The following CD207 variants were observed in gnomAD, a reference collection of about 807,000 sequenced individuals.
CD207 encodes CD207 molecule, also known as C-type lectin domain family 4 member K.
Under a neutral mutation model 31.6 loss-of-function variants are expected in CD207, and 28 were observed. The observed-to-expected ratio is 0.89, with a 90% CI of 0.66 to 1.21. CD207 has a LOEUF of 1.21. CD207 is among the 50% of genes most tolerant of loss of function. The pLI is 0.00. For missense variants in CD207, 388 were observed against 397.8 expected (o/e 0.98, Z 0.21); for synonymous variants, 168 against 153.9 (o/e 1.09, Z -0.68).
chr2:70,831,648 C>T (rs1180206932), intron 5 of CD207, 53 bp downstream of exon 5: 3 of 1,093,492 alleles, frequency 2.7e-6, no homozygotes, highest in Non-Finnish European at 4.3e-6. Flanking sequence ...CCCTTCATGC[C>T]CTGGCCATGG....
In CD207 at chr2:70,833,696, CG is replaced by C; in HGVS notation, c.514del (p.Arg172GlyfsTer10). On this transcript the variant is annotated frameshift_variant, in exon 3 of 6. Transcript: ENST00000410009. LOFTEE classifies it high-confidence loss of function. ...EKASALNTKIRALQGSLENMS... is the reference protein window; with the variant it reads ...EKASALNTKIXALQGSLENMS... ...ATTCTCCAAGCTGCCCTGGAGTGCCCGGATCTTTGTATTTAAAGCACTGGCT... is the reference window on the plus strand; with the variant it reads ...ATTCTCCAAGCTGCCCTGGAGTGCCCGATCTTTGTATTTAAAGCACTGGCT... The C allele has an allele frequency of 6.2e-7, 1 of 1,613,920 alleles. No individual in the cohort carries two copies. Among genetic ancestry groups the C allele is most frequent in the African/African-American group, 1.3e-5 (1 of 75,026 alleles).
At chr2:70,824,587 T>C in the CD207 span, among the ~76,000 whole-genome samples, 76,457 of 129,562 alleles carry the variant, frequency 0.59, 23,071 homozygotes, top group Middle Eastern at 0.7. Flanking sequence ...CTGGAGCATC[T>C]TGTAGTACCA....
the CD207 span, among the ~76,000 whole-genome samples, chr2:70,824,463 G>GC: frequency 6.6e-6 from 1 of 151,800 alleles, no homozygotes; most frequent in African/African-American, 2.4e-5. Context: ...AATAGCAACA[G>GC]CCACACAGCC....
chr2:70,830,795 G>A lies in CD207; in HGVS notation c.*255C>T, dbSNP rs1035039508. ...TACGGGTCTTGATCCTCCTTAGCAG[G>A]GCAATTGGAACTTCTAAATCCTCTC... On this transcript the variant is annotated 3_prime_UTR_variant, in exon 6 of 6. Transcript: ENST00000410009. 2.2e-5 allele frequency: 9 copies of A among 418,072 alleles called. No individual in the cohort carries two copies. In the South Asian group the frequency reaches 2.6e-4, roughly 12 times the overall value. 25.9% of individuals were successfully genotyped at this position (418,072 alleles called of 1,614,324 possible). A position where few individuals can be genotyped will look rare whatever the true frequency, so the allele number is the denominator to read the frequency against.
rs529602825 is a variant in CD207 at position 70,833,871 on chromosome 2, C to T, written c.340G>A (p.Glu114Lys). 1.2e-6 allele frequency: 2 copies of T among 1,613,132 alleles called. No individual in the cohort carries two copies. Among genetic ancestry groups the T allele is most frequent in the East Asian group, 2.2e-5 (1 of 44,864 alleles). Residue 114 changes from glutamate (E) to lysine (K), a missense_variant, in exon 3 of 6, where the codon GAG becomes AAG. By Grantham distance (56) the Glu-to-Lys change is moderately conservative (BLOSUM62 1). Transcript: ENST00000410009. ...AAGVQIQMVNESLGYVRSQFL... is the reference protein window; with the variant it reads ...AAGVQIQMVNKSLGYVRSQFL... ...TGAGAACGCACATAACCCAGGCTCT[C>T]ATTCACCATCTGGATCTGAACGCCA...
intron 3 of CD207, 90 bp from the exon 4 acceptor site, chr2:70,833,141 C>T (rs1677520293): frequency 7.8e-7 from 1 of 1,277,088 alleles, no homozygotes; most frequent in African/African-American, 1.5e-5. Flanking sequence ...GTCTCAGAGA[C>T]AGCAGCAAAT....
At chr2:70,835,343 T>C in intron 2 of CD207, 148 bp downstream of exon 2, 4 of 676,616 alleles carry the variant, frequency 5.9e-6, no homozygotes, top group South Asian at 3.2e-5. Context: ...GCACAGCCTG[T>C]TACTGCACAT....
At chr2:70,832,755 T>C in intron 4 of CD207, 145 bp downstream of exon 4, 1 of 785,550 alleles carries the variant, frequency 1.3e-6, no homozygotes, top group Non-Finnish European at 1.9e-6. Flanking sequence ...TGCCGGCCCT[T>C]ATTCGACATG....
chr2:70,833,529 C>T, intron 3 of CD207, 117 bp downstream of exon 3: 1 of 1,192,776 alleles, frequency 8.4e-7, no homozygotes, highest in African/African-American at 1.6e-5. Flanking sequence ...CCCATGGCTG[C>T]CCCTCTTTTG....
chr2:70,831,172 C>T lies in CD207; in HGVS notation c.865G>A (p.Ala289Thr). 1 of 1,613,846 alleles carries T rather than the reference C, an allele frequency of 6.2e-7. No individual in the cohort carries two copies. The highest frequency in any genetic ancestry group is 8.5e-7 in the Non-Finnish European group (1 of 1,179,826). ...TTGCCACAGTGTTCATTGTTCCCAG[C>T]ATTGTTGGGCTCACCTGGAATCCAG... ...RFWIPGEPNN[A>T]GNNEHCGNIK... Residue 289 changes from alanine to threonine, a missense_variant, in exon 6 of 6, where the codon GCT becomes ACT. By Grantham distance (58) the Ala-to-Thr change is moderately conservative. Coordinates refer to ENST00000410009, the MANE Select transcript of CD207 (RefSeq NM_015717.5).
chr2:70,829,032 G>A (rs551550096), downstream of CD207, among the ~76,000 whole-genome samples: 2 of 152,066 alleles, frequency 1.3e-5, no homozygotes, highest in Non-Finnish European at 2.9e-5. Context: ...GCCACGTGAC[G>A]GCCCCTCCAG....
chr2:70,831,210 G>A lies in CD207; in HGVS notation c.837-10C>T. 1 of 1,593,418 alleles carries A rather than the reference G, an allele frequency of 6.3e-7. No individual in the cohort carries two copies. The highest frequency in any genetic ancestry group is 1.1e-5 in the South Asian group (1 of 87,064). ...ACCTGGAATCCAGAACCTACCAAGAGCGGGGAAAAAGATGGATTTACAAAG... is the reference window on the plus strand; with the variant it reads ...ACCTGGAATCCAGAACCTACCAAGAACGGGGAAAAAGATGGATTTACAAAG... On this transcript the variant is annotated splice_polypyrimidine_tract_variant and intron_variant, in intron 5 of 5. Coordinates refer to ENST00000410009, the MANE Select transcript of CD207 (RefSeq NM_015717.5).
downstream of CD207, among the ~76,000 whole-genome samples, chr2:70,825,374 A>G (rs573193914): frequency 1.3e-5 from 2 of 152,224 alleles, no homozygotes; most frequent in Non-Finnish European, 2.9e-5. Context: ...AAATCTGAAT[A>G]AAGTATGGAC....
At chr2:70,827,227 T>G (rs576664181), downstream of CD207, among the ~76,000 whole-genome samples, 1 of 152,368 alleles carries the variant, frequency 6.6e-6, no homozygotes, top group Admixed American at 6.5e-5. Flanking sequence ...CCTTTCGCTT[T>G]AGGCTCCCAC....
downstream of CD207, chr2:70,830,161 C>T (rs1677432244): frequency 6.6e-6 from 1 of 152,230 alleles, no homozygotes; most frequent in Admixed American, 6.5e-5. Context: ...AGGAGACTGC[C>T]TTTCCCACAT....
intron 4 of CD207, 107 bp downstream of exon 4, chr2:70,832,793 G>T: frequency 9.1e-7 from 1 of 1,104,876 alleles, no homozygotes; most frequent in Non-Finnish European, 1.3e-6. Flanking sequence ...TTCTTCATTA[G>T]GTCATCAATA....
chr2:70,825,607 C>T (rs1253674392), downstream of CD207, among the ~76,000 whole-genome samples: 1 of 152,146 alleles, frequency 6.6e-6, no homozygotes, highest in Non-Finnish European at 1.5e-5. Flanking sequence ...GGCGTGATTA[C>T]AGCTCACTGC....
downstream of CD207, among the ~76,000 whole-genome samples, chr2:70,827,522 A>G (rs1326977286): frequency 1.3e-5 from 2 of 152,194 alleles, no homozygotes; most frequent in African/African-American, 4.8e-5. Context: ...GGCAGCCCCC[A>G]TGCCCAGGGC....
At position 70,831,746 on chromosome 2, in the gene CD207, C is replaced by A; in HGVS notation, c.791G>T (p.Trp264Leu). 1 of 1,613,792 alleles carries A rather than the reference C, an allele frequency of 6.2e-7. No individual in the cohort carries two copies. The highest frequency in any genetic ancestry group is 8.5e-7 in the Non-Finnish European group (1 of 1,179,668). ...GAATGGCGTGTCATCCACCCAGGAC[C>A]AGTCCCCTTCCATCCCTGCTTTAGT... ...GLTKAGMEGD[W>L]SWVDDTPFNK... is the part of the protein sequence containing the mutation. Residue 264 changes from tryptophan to leucine, a missense_variant, in exon 5 of 6, where the codon TGG (tryptophan) becomes TTG (leucine). Physicochemically the swap from Trp to Leu is moderately conservative, Grantham distance 61 (BLOSUM62 -2). Coordinates refer to ENST00000410009, the MANE Select transcript of CD207 (RefSeq NM_015717.5).
Sources: gnomAD v4.1 joint callset for allele counts (sites outside exome capture counted in the v4.1 genomes callset) on GRCh38, gnomAD v4.1.1 for gene constraint, MANE v1.5 for transcripts, NCBI Gene and HGNC (gene_info 2026-07-23, HGNC 2026-07-21) for gene names.